SPON1: variants seen among roughly 807,000 people sequenced by gnomAD.
The protein encoded by SPON1 is spondin-1.
A neutral mutation model predicts 111.7 loss-of-function variants in SPON1; 52 were observed. That is an observed-to-expected ratio of 0.47 (90% CI 0.37 to 0.59). The LOEUF (loss-of-function observed/expected upper bound fraction) is 0.59, where lower values mean the gene tolerates loss of function less well. Ranked by LOEUF, SPON1 falls within the 20% of genes least tolerant of loss-of-function variation. SPON1 has a pLI of 0.00. For missense variants in SPON1, 957 were observed against 1,068.5 expected, an observed-to-expected ratio of 0.90 and a Z score of 1.46; for synonymous variants, 410 against 395.8, an observed-to-expected ratio of 1.04 and a Z score of -0.43.
intron 3 of SPON1, among the ~76,000 whole-genome samples, chr11:14,052,759 G>C (rs1226277816): frequency 6.6e-6 from 1 of 152,232 alleles, no homozygotes; most frequent in Non-Finnish European, 1.5e-5. Flanking sequence ...TGGCAGCAGA[G>C]TTTCATTCAA....
chr11:14,111,273 T>C (rs1206942786), intron 5 of SPON1, among the ~76,000 whole-genome samples: 1 of 152,234 alleles, frequency 6.6e-6, no homozygotes, highest in Non-Finnish European at 1.5e-5. Context: ...CACATCCTTT[T>C]CCTTACCTTT....
chr11:14,109,422 G>T (rs1429423239), intron 5 of SPON1, among the ~76,000 whole-genome samples: 7 of 152,172 alleles, frequency 4.6e-5, no homozygotes, highest in Non-Finnish European at 8.8e-5. Context: ...CAGCTGTAAA[G>T]TGGTACAGCT....
chr11:13,991,598 CT>C (rs1554911225), intron 2 of SPON1, among the ~76,000 whole-genome samples: 1 of 152,220 alleles, frequency 6.6e-6, no homozygotes, highest in Non-Finnish European at 1.5e-5. Flanking sequence ...AACTTATTCT[CT>C]GTCCAGTTTT....
chr11:14,095,883 A>T (rs1849097189), intron 5 of SPON1, among the ~76,000 whole-genome samples: 1 of 152,222 alleles, frequency 6.6e-6, no homozygotes, highest in Non-Finnish European at 1.5e-5. Flanking sequence ...AATGAACAAT[A>T]ATCCCACTGC....
chr11:14,147,569 C>G (rs188291934), intron 6 of SPON1, among the ~76,000 whole-genome samples: 9 of 151,914 alleles, frequency 5.9e-5, no homozygotes, highest in East Asian at 2.0e-4. Context: ...AGGCACCCAC[C>G]ACCAGCCTGG....
chr11:14,018,016 C>T (rs1848455584), intron 2 of SPON1, among the ~76,000 whole-genome samples: 1 of 152,190 alleles, frequency 6.6e-6, no homozygotes, highest in Non-Finnish European at 1.5e-5. Context: ...GATTAATTAA[C>T]TTATACTATA....
intron 6 of SPON1, among the ~76,000 whole-genome samples, chr11:14,242,859 G>T (rs1429384216): frequency 6.6e-6 from 1 of 152,212 alleles, no homozygotes; most frequent in African/African-American, 2.4e-5. Flanking sequence ...CTGATCCAGC[G>T]CATGGGTCTC....
chr11:14,137,380 G>A (rs1421728048), intron 6 of SPON1, among the ~76,000 whole-genome samples: 2 of 152,154 alleles, frequency 1.3e-5, no homozygotes, highest in Admixed American at 1.3e-4. Context: ...ATCCCAGCTG[G>A]CTAGTGTTTC....
rs1403111446 is a variant in SPON1 at position 14,093,480 on chromosome 11, A to G, written c.676+13459A>G. ...TAGCTTCCCCCATTTTTGATATGAC[A>G]TCGGTTTTAATGCTGTTTAACAGAT... On this transcript the variant is annotated intron_variant, in intron 5 of 15. Coordinates refer to ENST00000576479, the MANE Select transcript of SPON1 (RefSeq NM_006108.4). 2.6e-5 allele frequency among the ~76,000 whole-genome samples: 4 copies of G among 152,200 alleles called. No individual in the cohort carries two copies. In the East Asian group the frequency reaches 7.7e-4, roughly 29 times the overall value.
intron 13 of SPON1, among the ~76,000 whole-genome samples, chr11:14,260,312 C>T (rs1425705659): frequency 2.0e-5 from 3 of 152,140 alleles, no homozygotes; most frequent in Non-Finnish European, 4.4e-5. Context: ...TCCTCAGTGG[C>T]CTTTCTAGTG....
chr11:13,973,392 A>G (rs1848078415), intron 1 of SPON1, among the ~76,000 whole-genome samples: 1 of 152,172 alleles, frequency 6.6e-6, no homozygotes, highest in African/African-American at 2.4e-5. Context: ...CCTCATCCAC[A>G]TTCCCAGCTA....
At chr11:14,045,240 A>G (rs936164992) in intron 3 of SPON1, among the ~76,000 whole-genome samples, 2 of 152,144 alleles carry the variant, frequency 1.3e-5, no homozygotes, top group African/African-American at 4.8e-5. Context: ...GCCCATTCAT[A>G]TTCTTGTCCA....
intron 2 of SPON1, among the ~76,000 whole-genome samples, chr11:13,992,425 C>T (rs1848238162): frequency 6.6e-6 from 1 of 152,160 alleles, no homozygotes; most frequent in Non-Finnish European, 1.5e-5. Flanking sequence ...TCGAGCGTCC[C>T]AGGTCCATCT....
chr11:14,106,642 T>C (rs1849186837), intron 5 of SPON1, among the ~76,000 whole-genome samples: 1 of 152,140 alleles, frequency 6.6e-6, no homozygotes, highest in Non-Finnish European at 1.5e-5. Context: ...CTAGACTCAG[T>C]TGAATTCAGA....
chr11:14,045,531 TC>T (rs1848662296), intron 3 of SPON1, among the ~76,000 whole-genome samples: 2 of 151,778 alleles, frequency 1.3e-5, no homozygotes. Flanking sequence ...TTAGCTGAGA[TC>T]CTGCCACTGC....
intron 2 of SPON1, among the ~76,000 whole-genome samples, chr11:14,030,801 T>C (rs61884835): frequency 0.48 from 73,383 of 152,086 alleles, 18,341 homozygotes; most frequent in East Asian, 0.67. Context: ...GTTTGGAGAT[T>C]TCTCCAAGAA....
chr11:14,005,816 T>C (rs1468614019), intron 2 of SPON1, among the ~76,000 whole-genome samples: 5 of 152,212 alleles, frequency 3.3e-5, no homozygotes, highest in Non-Finnish European at 7.4e-5. Flanking sequence ...TAGAATGTTA[T>C]AGACTGTTGA....
chr11:14,261,290 C>G (rs1849168841), intron 14 of SPON1, among the ~76,000 whole-genome samples: 1 of 152,134 alleles, frequency 6.6e-6, no homozygotes, highest in South Asian at 2.1e-4. Flanking sequence ...TTACATGGGA[C>G]TAATCTCCAA....
intron 2 of SPON1, among the ~76,000 whole-genome samples, chr11:14,006,546 C>A (rs1190976525): frequency 1.3e-5 from 2 of 152,164 alleles, no homozygotes; most frequent in East Asian, 1.9e-4. Context: ...ATGCAGGGGG[C>A]TGAGTAGGAC....
Sources: allele counts gnomAD v4.1 joint callset (sites outside exome capture counted in the v4.1 genomes callset), GRCh38; gene constraint gnomAD v4.1.1; transcripts MANE v1.5; gene names NCBI Gene and HGNC (gene_info 2026-07-23, HGNC 2026-07-21).